STARD13: variants seen among roughly 807,000 people sequenced by gnomAD.
STARD13 encodes stAR-related lipid transfer protein 13.
A neutral mutation model predicts 106.4 loss-of-function variants in STARD13; 62 were observed. The observed-to-expected ratio is 0.58, with a 90% CI of 0.48 to 0.72. The LOEUF (loss-of-function observed/expected upper bound fraction) is 0.72, where lower values mean the gene tolerates loss of function less well. Ranked by LOEUF, STARD13 falls within the 30% of genes least tolerant of loss-of-function variation. STARD13 has a pLI of 0.00. For synonymous variants in STARD13, 565 were observed against 553.0 expected (o/e 1.02, Z -0.31); for missense variants, 1,387 against 1,424.0 (o/e 0.97, Z 0.42).
At chr13:33,646,711 G>A in the STARD13 span, among the ~76,000 whole-genome samples, 6 of 151,858 alleles carry the variant, frequency 4.0e-5, no homozygotes, top group Non-Finnish European at 7.4e-5. Context: ...TAGGTCAACT[G>A]TAACTATTCT....
the STARD13 span, among the ~76,000 whole-genome samples, chr13:33,665,394 C>T: frequency 6.6e-6 from 1 of 152,126 alleles, no homozygotes; most frequent in Non-Finnish European, 1.5e-5. Context: ...GAAGATAGAA[C>T]ATAAGAAAAA....
chr13:33,639,227 GT>G, the STARD13 span, among the ~76,000 whole-genome samples: 3 of 152,200 alleles, frequency 2.0e-5, no homozygotes. Flanking sequence ...TTAAGTTCGA[GT>G]GGTCTGAGAG....
chr13:33,182,080 G>A (rs987273410), intron 1 of STARD13, among the ~76,000 whole-genome samples: 1 of 152,184 alleles, frequency 6.6e-6, no homozygotes, highest in African/African-American at 2.4e-5. Flanking sequence ...TAAACTTCAT[G>A]TAGTTGTGAA....
At chr13:33,345,852 GA>G (rs917036536), downstream of STARD13, among the ~76,000 whole-genome samples, 4 of 150,908 alleles carry the variant, frequency 2.7e-5, no homozygotes, top group Non-Finnish European at 4.4e-5. Context: ...TGTTCAAGCA[GA>G]AAAAAAAAGG....
rs554105699 is a variant in STARD13 at position 33,144,968 on chromosome 13, T to C, written c.324-2595A>G. On this transcript the variant is annotated intron_variant, in intron 3 of 13. Transcript: ENST00000336934. ...ACAGACTCGAATATGCTTTATACTT[T>C]CTGACACATGCAGGAAGTTTATTTA... 8.5e-5 allele frequency among the ~76,000 whole-genome samples: 13 copies of C among 152,350 alleles called. No individual in the cohort carries two copies. In the South Asian group the frequency reaches 1.7e-3, roughly 19 times the overall value.
chr13:33,203,010 A>G (rs1312041624), intron 1 of STARD13, among the ~76,000 whole-genome samples: 1 of 152,272 alleles, frequency 6.6e-6, no homozygotes, highest in African/African-American at 2.4e-5. Context: ...AAGTTCAATT[A>G]GTGACTTTAA....
the STARD13 span, among the ~76,000 whole-genome samples, chr13:33,596,871 CT>C: frequency 6.6e-6 from 1 of 152,150 alleles, no homozygotes; most frequent in South Asian, 2.1e-4. Context: ...AGATTTCATT[CT>C]TTTTTTGTGG....
At chr13:33,490,084 G>A in the STARD13 span, among the ~76,000 whole-genome samples, 1 of 151,922 alleles carries the variant, frequency 6.6e-6, no homozygotes, top group Non-Finnish European at 1.5e-5. Flanking sequence ...ACCACTAACA[G>A]AATTTTATCT....
chr13:33,521,542 T>C, the STARD13 span, among the ~76,000 whole-genome samples: 2 of 152,120 alleles, frequency 1.3e-5, no homozygotes, highest in African/African-American at 4.8e-5. Context: ...GCTTGCATGC[T>C]GCCTGTTTAC....
the STARD13 span, among the ~76,000 whole-genome samples, chr13:33,588,357 A>G: frequency 6.6e-6 from 1 of 152,358 alleles, no homozygotes; most frequent in Non-Finnish European, 1.5e-5. Flanking sequence ...GGTCAGTTCC[A>G]GCCAACTTCA....
the STARD13 span, among the ~76,000 whole-genome samples, chr13:33,466,981 T>A: frequency 6.6e-6 from 1 of 152,068 alleles, no homozygotes; most frequent in Non-Finnish European, 1.5e-5. Context: ...CAATATTTTA[T>A]CAAGGATATA....
At position 33,129,118 on chromosome 13, in the gene STARD13, T is replaced by C. The variant is rs1877719628; in HGVS notation, c.1559A>G (p.Glu520Gly). 6.2e-7 allele frequency: 1 copy of C among 1,614,182 alleles called. No individual in the cohort carries two copies. The highest frequency in any genetic ancestry group is 8.5e-7 in the Non-Finnish European group (1 of 1,180,026). ...AGATGGAAAGGTGGATAAGCCAGGT[T>C]CCCCAACCAATGTATCATGAGTTTG... The part of the protein sequence containing the change: ...ELQTHDTLVG[E>G]PGLSTFPSPN... Residue 520 changes from glutamate (E) to glycine (G), a missense_variant, in exon 5 of 14, where the codon GAA (glutamate) becomes GGA (glycine). Physicochemically the swap from Glu to Gly is moderately conservative, Grantham distance 98. Coordinates refer to ENST00000336934, the MANE Select transcript of STARD13 (RefSeq NM_178006.4).
chr13:33,145,384 T>TCCAAAGCGTAC (rs1254196356), intron 3 of STARD13, among the ~76,000 whole-genome samples: 4 of 152,218 alleles, frequency 2.6e-5, no homozygotes, highest in Non-Finnish European at 4.4e-5. Context: ...TACTGAAACT[T>TCCAAAGCGTAC]CCAAAGCGTA....
intron 1 of STARD13, among the ~76,000 whole-genome samples, chr13:33,313,991 T>C (rs1316742421): frequency 6.6e-6 from 1 of 152,216 alleles, no homozygotes; most frequent in African/African-American, 2.4e-5. Flanking sequence ...GGTACTTTCA[T>C]CCTTTTCCAT....
At chr13:33,312,220 T>G (rs1490947744) in intron 1 of STARD13, among the ~76,000 whole-genome samples, 1 of 152,238 alleles carries the variant, frequency 6.6e-6, no homozygotes, top group East Asian at 1.9e-4. Flanking sequence ...TTTAAACCCA[T>G]GCATTTATTA....
chr13:33,187,242 G>A (rs569644121), intron 1 of STARD13, among the ~76,000 whole-genome samples: 8 of 152,128 alleles, frequency 5.3e-5, no homozygotes, highest in Non-Finnish European at 1.2e-4. Context: ...GAGGGGGAAG[G>A]GTCCCGCTCT....
At chr13:33,353,824 G>GTT (rs67427690), upstream of STARD13, among the ~76,000 whole-genome samples, 3 of 151,340 alleles carry the variant, frequency 2.0e-5, no homozygotes, top group Admixed American at 2.0e-4. Flanking sequence ...TCCAGACATT[G>GTT]TGTTTGTTTG....
At chr13:33,167,452 C>A (rs9568965) in intron 2 of STARD13, 99 bp downstream of exon 2, 16,069 of 1,274,752 alleles carry the variant, frequency 0.013, 275 homozygotes, top group African/African-American at 0.063. Context: ...GCAAAATGGG[C>A]GAGAAAAAAA....
chr13:33,388,714 C>T, the STARD13 span, among the ~76,000 whole-genome samples: 1 of 152,152 alleles, frequency 6.6e-6, no homozygotes, highest in African/African-American at 2.4e-5. Flanking sequence ...AAATTACCTA[C>T]TTGGTTCTCT....
Sources: gnomAD v4.1 joint callset for allele counts (sites outside exome capture counted in the v4.1 genomes callset) on GRCh38, gnomAD v4.1.1 for gene constraint, MANE v1.5 for transcripts, NCBI Gene and HGNC (gene_info 2026-07-23, HGNC 2026-07-21) for gene names.